MGA: variants seen among roughly 807,000 people sequenced by gnomAD.
MGA encodes MAX gene-associated protein.
Under a neutral mutation model 261.1 loss-of-function variants are expected in MGA, and 40 were observed. The ratio of observed to expected loss-of-function variants is 0.15; its 90% CI spans 0.12 to 0.20. The LOEUF (loss-of-function observed/expected upper bound fraction) is 0.20, where lower values mean the gene tolerates loss of function less well. Among genes scored for constraint, MGA ranks in the 10% least tolerant of loss-of-function variants. The pLI, the probability that MGA is intolerant of heterozygous loss-of-function variation, is 1.00. For synonymous variants in MGA, 1,302 were observed against 1,290.6 expected (o/e 1.01, Z -0.19); for missense variants, 3,397 against 3,630.5 (o/e 0.94, Z 1.65).
intron 5 of MGA, 97 bp from the exon 6 acceptor site, chr15:41,707,631 C>T (rs1368343755): frequency 1.7e-6 from 2 of 1,158,744 alleles, no homozygotes; most frequent in Admixed American, 2.9e-5. Flanking sequence ...TCGACCTTAC[C>T]CCCCCGCCAT....
At chr15:41,726,457 G>A (rs969933195) in intron 9 of MGA, among the ~76,000 whole-genome samples, 3 of 152,140 alleles carry the variant, frequency 2.0e-5, no homozygotes, top group East Asian at 1.9e-4. Flanking sequence ...GACTAGGCAT[G>A]GTGGCTCACA....
intron 1 of MGA, among the ~76,000 whole-genome samples, chr15:41,667,623 T>C (rs1193020013): frequency 6.6e-6 from 1 of 151,872 alleles, no homozygotes; most frequent in Admixed American, 6.6e-5. Flanking sequence ...CAAGCAATCC[T>C]CCTGCCTTGG....
intron 2 of MGA, among the ~76,000 whole-genome samples, chr15:41,686,485 A>G (rs1259745489): frequency 6.6e-6 from 1 of 152,160 alleles, no homozygotes; most frequent in Non-Finnish European, 1.5e-5. Flanking sequence ...GCAGTGAGCC[A>G]TGGTTGTACC....
chr15:41,730,731 T>C lies in MGA; in HGVS notation c.3843+1382T>C, dbSNP rs550761277. On this transcript the variant is annotated intron_variant, in intron 11 of 23. Transcript: ENST00000219905. ...TCCCATTCTAAAACACTTCCTCTTT[T>C]AGTCCGTTATATGCTTTGCATAATC... Among the ~76,000 whole-genome samples, 201 of 152,350 alleles carry C rather than the reference T, an allele frequency of 1.3e-3. No individual in the cohort carries two copies. In the Middle Eastern group the frequency reaches 0.014, roughly 10 times the overall value.
intron 1 of MGA, among the ~76,000 whole-genome samples, chr15:41,665,015 G>T (rs143428975): frequency 6.6e-6 from 1 of 152,098 alleles, no homozygotes; most frequent in Admixed American, 6.5e-5. Context: ...TTTAGTGTTG[G>T]GAAGTGAATT....
chr15:41,761,968 G>A, intron 21 of MGA, 118 bp downstream of exon 21: 1 of 1,004,496 alleles, frequency 1.0e-6, no homozygotes, highest in Non-Finnish European at 1.5e-6. Context: ...TTACAGCACA[G>A]TTATCCTTTG....
intron 5 of MGA, among the ~76,000 whole-genome samples, chr15:41,700,984 C>T (rs971864463): frequency 6.6e-6 from 1 of 152,186 alleles, no homozygotes; most frequent in Non-Finnish European, 1.5e-5. Flanking sequence ...TAATGGAAGG[C>T]AGCTTGTGTG....
chr15:41,657,312 G>A (rs1251919987), upstream of MGA, among the ~76,000 whole-genome samples: 1 of 143,654 alleles, frequency 7.0e-6, no homozygotes, highest in East Asian at 2.2e-4. Context: ...CCTAGGACCT[G>A]AATTTTCAGG....
At position 41,696,658 on chromosome 15, in the gene MGA, C is replaced by G. The variant is rs2151300623; in HGVS notation, c.1648C>G (p.Gln550Glu). 1 of 1,612,898 alleles carries G rather than the reference C, an allele frequency of 6.2e-7. No individual in the cohort carries two copies. Among genetic ancestry groups the G allele is most frequent in the Middle Eastern group, 1.6e-4 (1 of 6,062 alleles). The change falls in exon 3 of 24, where the codon CAG becomes GAG. Residue 550 changes from glutamine (Q) to glutamate (E), a missense_variant. Transcript: ENST00000219905. ...AAAATATCCCTTACTGAAAGAGCCTCAGTGGAAATATCCTGATATATCTGA... is the reference window on the plus strand; with the variant it reads ...AAAATATCCCTTACTGAAAGAGCCTGAGTGGAAATATCCTGATATATCTGA...
intron 1 of MGA, among the ~76,000 whole-genome samples, chr15:41,668,242 A>G (rs2057866800): frequency 6.6e-6 from 1 of 152,088 alleles, no homozygotes; most frequent in Admixed American, 6.6e-5. Flanking sequence ...ATTTCAGTGT[A>G]AGGTCCATTG....
At chr15:41,671,799 A>T (rs529953535) in intron 2 of MGA, among the ~76,000 whole-genome samples, 1 of 152,046 alleles carries the variant, frequency 6.6e-6, no homozygotes, top group Non-Finnish European at 1.5e-5. Flanking sequence ...CTTGTCTATG[A>T]GCTGGTTATT....
Position 41,669,520 on chromosome 15 carries a change from C to T in MGA, c.626C>T (p.Ala209Val). 6.2e-7 allele frequency: 1 copy of T among 1,614,034 alleles called. No individual in the cohort carries two copies. The highest frequency in any genetic ancestry group is 8.5e-7 in the Non-Finnish European group (1 of 1,179,900). Residue 209 changes from alanine (A) to valine (V), a missense_variant, in exon 2 of 24, where the codon GCA (alanine) becomes GTA (valine). Physicochemically the swap from Ala to Val is moderately conservative, Grantham distance 64 (BLOSUM62 0). Coordinates refer to ENST00000219905, the MANE Select transcript of MGA (RefSeq NM_001164273.2). ...CTGCCGAGGCTTCATTTGGTGCCTG[C>T]AGAAAAGGCTGTGGAGGTGATACAA... is the stretch of plus-strand genomic sequence containing the variant.
At chr15:41,699,966 G>A (rs891549786) in intron 5 of MGA, among the ~76,000 whole-genome samples, 56 of 148,896 alleles carry the variant, frequency 3.8e-4, no homozygotes, top group Middle Eastern at 3.3e-3. Context: ...TCTGGGATAC[G>A]TGTACAGAAT....
intron 22 of MGA, among the ~76,000 whole-genome samples, chr15:41,764,066 G>A (rs1416489652): frequency 2.6e-5 from 4 of 151,918 alleles, no homozygotes; most frequent in African/African-American, 9.7e-5. Context: ...GGCTGAGGCA[G>A]GAGAATCACT....
chr15:41,765,944 AAGAG>A, intron 23 of MGA, 56 bp from the exon 24 acceptor site: 1 of 1,354,102 alleles, frequency 7.4e-7, no homozygotes, highest in Non-Finnish European at 1.0e-6. Flanking sequence ...GACAGAGAGA[AAGAG>A]AGGTGTTAAC....
intron 11 of MGA, among the ~76,000 whole-genome samples, chr15:41,733,952 G>T (rs2061645735): frequency 7.1e-6 from 1 of 140,456 alleles, no homozygotes; most frequent in African/African-American, 2.6e-5. Context: ...GCCTCACTCT[G>T]TCACCCAGGC....
At position 41,710,891 on chromosome 15, in the gene MGA, TCTA is replaced by T; in HGVS notation, c.2630_2632del (p.Thr877del). The T allele has an allele frequency of 6.2e-7, 1 of 1,613,874 alleles. No homozygotes were observed. The highest frequency in any genetic ancestry group is 8.5e-7 in the Non-Finnish European group (1 of 1,179,810). ...ACTTGATAGTGTACTAAAGAAGCAA[TCTA>T]CTATTTCCCCTTCTACCTCTTATTC... On this transcript the variant is annotated inframe_deletion, in exon 8 of 24. Coordinates refer to ENST00000219905, the MANE Select transcript of MGA (RefSeq NM_001164273.2).
chr15:41,744,088 T>C (rs542964953), intron 15 of MGA, among the ~76,000 whole-genome samples: 2 of 152,298 alleles, frequency 1.3e-5, no homozygotes, highest in East Asian at 3.9e-4. Context: ...CATTTAGTGA[T>C]GTGGTCCAAA....
At chr15:41,644,153 A>G (rs2056885014) in intron 1 of MGA, among the ~76,000 whole-genome samples, 1 of 152,020 alleles carries the variant, frequency 6.6e-6, no homozygotes, top group South Asian at 2.1e-4. Context: ...TATTTTACAT[A>G]ATAAGACATT....
Sources: allele counts gnomAD v4.1 joint callset (sites outside exome capture counted in the v4.1 genomes callset), GRCh38; gene constraint gnomAD v4.1.1; transcripts MANE v1.5; gene names NCBI Gene and HGNC (gene_info 2026-07-23, HGNC 2026-07-21).